The following CACNA1H variants were observed in gnomAD, a reference collection of about 807,000 sequenced individuals.
CACNA1H encodes the protein calcium voltage-gated channel subunit alpha1 H.
A neutral mutation model predicts 192.5 loss-of-function variants in CACNA1H; 149 were observed. That is an observed-to-expected ratio of 0.77 (90% confidence interval 0.68 to 0.89). The LOEUF is 0.89. Among genes scored for constraint, CACNA1H ranks in the 40% least tolerant of loss-of-function variants. The pLI, the probability that CACNA1H is intolerant of heterozygous loss-of-function variation, is 0.00. For missense variants in CACNA1H, 4,257 were observed against 3,423.5 expected (o/e 1.24, Z -6.08); for synonymous variants, 2,202 against 1,475.2 (o/e 1.49, Z -11.29).
Position 1,206,229 on chromosome 16 carries a change from A to T in CACNA1H, c.2729A>T (p.Lys910Met). The T allele has an allele frequency of 6.3e-7, 1 of 1,592,336 alleles. No individual in the cohort carries two copies. Among genetic ancestry groups the T allele is most frequent in the Middle Eastern group, 1.9e-4 (1 of 5,348 alleles). The change falls in exon 12 of 35, where the codon AAG becomes ATG. Residue 910 changes from lysine (K) to methionine (M), a missense_variant. By Grantham distance (95) the Lys-to-Met change is moderately conservative (BLOSUM62 -1). Coordinates refer to ENST00000348261, the MANE Select transcript of CACNA1H (RefSeq NM_021098.3). ...ALRRQLVVLV[K>M]TMDNVATFCT... Reference sequence around the variant, plus strand: ...CGGCGCCAGCTCGTGGTGCTGGTGAAGACCATGGACAACGTGGCTACCTTC... The same window carrying T: ...CGGCGCCAGCTCGTGGTGCTGGTGATGACCATGGACAACGTGGCTACCTTC...
chr16:1,220,169 C>T lies in CACNA1H; in HGVS notation c.6237C>T (p.Val2079=), dbSNP rs773935808. 6.6e-7 allele frequency: 1 copy of T among 1,521,302 alleles called. No homozygotes were observed. Among genetic ancestry groups the T allele is most frequent in the Non-Finnish European group, 8.8e-7 (1 of 1,137,890 alleles). 94.2% of individuals were successfully genotyped at this position (1,521,302 alleles called of 1,614,324 possible). A position where few individuals can be genotyped will look rare whatever the true frequency, so the allele number is the denominator to read the frequency against. ...TRKHTFGQRC[V]SSRPAAPGGE... is the part of the protein sequence containing the mutation. ...AGCATACCTTCGGACAGCGCTGCGT[C>T]TCCAGCCGGCCGGCGGCCCCAGGCG... The change falls in exon 35 of 35, where the codon GTC becomes GTT. Residue 2079 remains valine (V), a synonymous_variant. Transcript: ENST00000348261.
chr16:1,221,627 G>T lies in CACNA1H; in HGVS notation c.*633G>T. ...GGCCTCCCCTACATCTGGGGGCGTTGGCCGCGAGATTCCCATTGACACCTT... is the reference window on the plus strand; with the variant it reads ...GGCCTCCCCTACATCTGGGGGCGTTTGCCGCGAGATTCCCATTGACACCTT... On this transcript the variant is annotated 3_prime_UTR_variant, in exon 35 of 35. Coordinates refer to ENST00000348261, the MANE Select transcript of CACNA1H (RefSeq NM_021098.3). 1 of 799,884 alleles carries T rather than the reference G, an allele frequency of 1.3e-6. No individual in the cohort carries two copies. Among genetic ancestry groups the T allele is most frequent in the Non-Finnish European group, 1.9e-6 (1 of 522,660 alleles). The allele number at this position is 799,884 out of a possible 1,614,324, so 49.5% of individuals were successfully genotyped here. A position where few individuals can be genotyped will look rare whatever the true frequency, so the allele number is the denominator to read the frequency against.
At chr16:1,216,710 C>CT (rs1441210442) in intron 30 of CACNA1H, among the ~76,000 whole-genome samples, 4 of 152,300 alleles carry the variant, frequency 2.6e-5, no homozygotes, top group Non-Finnish European at 5.9e-5. Context: ...GGGGTGGGCT[C>CT]TGTCTACCTG....
intron 33 of CACNA1H, 72 bp from the exon 34 acceptor site, chr16:1,218,898 G>T: frequency 6.7e-7 from 1 of 1,489,260 alleles, no homozygotes; most frequent in South Asian, 1.2e-5. Context: ...GGTTGGGGGA[G>T]GACGGGGGTG....
At chr16:1,196,050 G>A (rs957423949) in intron 5 of CACNA1H, 27 bp downstream of exon 5, 3 of 1,568,820 alleles carry the variant, frequency 1.9e-6, no homozygotes, top group Non-Finnish European at 8.8e-7. Flanking sequence ...GACTGGGCTT[G>A]AGATCAACAG....
At chr16:1,198,980 C>A (rs1413527890) in intron 6 of CACNA1H, 1 of 562,236 alleles carries the variant, frequency 1.8e-6, no homozygotes, top group South Asian at 2.1e-5. Flanking sequence ...TGGCAGTCAC[C>A]GCCCCACATG....
At position 1,200,844 on chromosome 16, in the gene CACNA1H, C is replaced by A. The variant is rs184503231; in HGVS notation, c.1212+36C>A. On this transcript the variant is annotated intron_variant, in intron 8 of 34. Coordinates refer to ENST00000348261, the MANE Select transcript of CACNA1H (RefSeq NM_021098.3). ...GCGGCAGTGTTCGCCATGATGGGCC[C>A]TGGTGTTAGCTGGCTGGGGGTGGGG... is the stretch of plus-strand genomic sequence containing the variant. The A allele has an allele frequency of 2.8e-4, 406 of 1,467,370 alleles. 1 individual carries two copies. The highest frequency in any genetic ancestry group is 1.2e-4 in the Non-Finnish European group (128 of 1,080,482). 90.9% of individuals were successfully genotyped at this position (1,467,370 alleles called of 1,614,324 possible).
At position 1,167,169 on chromosome 16, in the gene CACNA1H, A is replaced by G. The variant is rs1481483498; in HGVS notation, c.299+13133A>G. On this transcript the variant is annotated intron_variant, in intron 2 of 34. Coordinates refer to ENST00000348261, the MANE Select transcript of CACNA1H (RefSeq NM_021098.3). The surrounding 1 kb of genome is among the most constrained non-coding windows in gnomAD (Gnocchi z 4.2). Reference sequence around the variant, plus strand: ...TCGCCGACCCTTTGGGGCGTCTCCCATCGGGAAATGGCAGCCCCTGACCTG... The same window carrying G: ...TCGCCGACCCTTTGGGGCGTCTCCCGTCGGGAAATGGCAGCCCCTGACCTG... 1.3e-5 allele frequency among the ~76,000 whole-genome samples: 2 copies of G among 152,064 alleles called. No homozygotes were observed. Among genetic ancestry groups the G allele is most frequent in the Non-Finnish European group, 2.9e-5 (2 of 67,986 alleles).
chr16:1,175,452 G>A (rs1964784199), intron 2 of CACNA1H, among the ~76,000 whole-genome samples: 1 of 152,154 alleles, frequency 6.6e-6, no homozygotes, highest in South Asian at 2.1e-4. Flanking sequence ...CCACTGCTGT[G>A]TCGTCGCTCC....
At chr16:1,215,697 C>T (rs1428602897) in intron 30 of CACNA1H, 104 bp downstream of exon 30, 33 of 924,130 alleles carry the variant, frequency 3.6e-5, no homozygotes, top group Admixed American at 8.4e-5. Context: ...TCTGGTCCCT[C>T]GGTTGTGTGG....
At chr16:1,206,849 G>C (rs893664673) in intron 12 of CACNA1H, 152 bp from the exon 13 acceptor site, 4 of 578,736 alleles carry the variant, frequency 6.9e-6, no homozygotes, top group Admixed American at 5.5e-5. Context: ...TAGAGAGCTC[G>C]GGCGCCCAGG....
In CACNA1H at chr16:1,172,163, C is replaced by G. The variant is rs77363518; in HGVS notation, c.299+18127C>G. 1.3e-3 allele frequency among the ~76,000 whole-genome samples: 201 copies of G among 152,288 alleles called. 1 individual carries two copies. The highest frequency in any genetic ancestry group is 4.6e-3 in the African/African-American group (190 of 41,556). Reference sequence around the variant, plus strand: ...GGCGTGGGCCGCACACGGTGGGTGTCAGGGGCGAGAGTGGCTGCGTGCCTC... The same window carrying G: ...GGCGTGGGCCGCACACGGTGGGTGTGAGGGGCGAGAGTGGCTGCGTGCCTC... On this transcript the variant is annotated intron_variant, in intron 2 of 34. Coordinates refer to ENST00000348261, the MANE Select transcript of CACNA1H (RefSeq NM_021098.3).
rs1967930525 is a variant in CACNA1H, at chr16:1,201,650, GCC to G, written c.1213-9_1213-8del. On this transcript the variant is annotated splice_polypyrimidine_tract_variant and intron_variant, in intron 8 of 34. Coordinates refer to ENST00000348261, the MANE Select transcript of CACNA1H (RefSeq NM_021098.3). ...CTCACTCACTGCCACTTACCCGCCC[GCC>G]CCCGTCACAGGTGGGCTCCTTCTTC... 1 of 1,569,374 alleles carries G rather than the reference GCC, an allele frequency of 6.4e-7. No homozygotes were observed.
In CACNA1H at chr16:1,221,473, CCCCTT is replaced by C. The variant is rs1970476195; in HGVS notation, c.*482_*486del. The stretch of plus-strand genomic sequence containing the variant: ...CCGCCTGTCACGCCCTCACCACCCT[CCCCTT>C]CCAGCCACCACCCTTTCCGTTCCGC... On this transcript the variant is annotated 3_prime_UTR_variant, in exon 35 of 35. Transcript: ENST00000348261. The C allele has an allele frequency of 2.8e-6, 1 of 354,000 alleles. No individual in the cohort carries two copies. Among genetic ancestry groups the C allele is most frequent in the Admixed American group, 4.6e-5 (1 of 21,952 alleles). 21.9% of individuals were successfully genotyped at this position (354,000 alleles called of 1,614,324 possible).
rs756154211 is a variant in CACNA1H, at chr16:1,209,311, C to T, written c.3643C>T (p.Arg1215Cys). 88 of 1,596,574 alleles carry T rather than the reference C, an allele frequency of 5.5e-5. 1 individual carries two copies. The highest frequency in any genetic ancestry group is 1.5e-4 in the Admixed American group (9 of 59,794). Reference protein sequence around the residue: ...RPAALPPTKCRDRDGQVVALP... With the variant: ...RPAALPPTKCCDRDGQVVALP... The stretch of plus-strand genomic sequence containing the variant: ...GGCCGCCCTCCCGCCTACCAAGTGC[C>T]GCGATCGCGACGGGCAGGTGGTGGC... Residue 1215 changes from arginine to cysteine, a missense_variant, in exon 17 of 35, where the codon CGC becomes TGC. Transcript: ENST00000348261.
intron 2 of CACNA1H, among the ~76,000 whole-genome samples, chr16:1,182,908 C>A (rs1014385949): frequency 5.9e-5 from 9 of 152,074 alleles, no homozygotes; most frequent in African/African-American, 1.9e-4. Context: ...CCTGAGAGCT[C>A]CCCAGGTCAG....
intron 2 of CACNA1H, among the ~76,000 whole-genome samples, chr16:1,175,058 C>T (rs1316640979): frequency 6.6e-6 from 1 of 152,056 alleles, no homozygotes; most frequent in African/African-American, 2.4e-5. Flanking sequence ...ATCAGGAGTC[C>T]TACTCTACGC....
At chr16:1,162,854 T>A (rs1963361474) in intron 2 of CACNA1H, among the ~76,000 whole-genome samples, 1 of 152,128 alleles carries the variant, frequency 6.6e-6, no homozygotes, top group African/African-American at 2.4e-5. Flanking sequence ...TAGTCCCAGG[T>A]GGCTGGAAAC....
chr16:1,191,020 G>A (rs1376516524), intron 2 of CACNA1H, among the ~76,000 whole-genome samples: 1 of 148,598 alleles, frequency 6.7e-6, no homozygotes, highest in African/African-American at 2.5e-5. Flanking sequence ...GTGGCCTCAG[G>A]CACACTCGGG....
Sources: gnomAD v4.1 joint callset for allele counts (sites outside exome capture counted in the v4.1 genomes callset) on GRCh38, gnomAD v4.1.1 for gene constraint, Gnocchi (gnomAD v3.1) non-coding constraint, MANE v1.5 for transcripts, NCBI Gene and HGNC (gene_info 2026-07-23, HGNC 2026-07-21) for gene names.